The following STK10 variants were observed in gnomAD, a reference collection of about 807,000 sequenced individuals.
The protein encoded by STK10 is serine/threonine-protein kinase 10.
A neutral mutation model predicts 113.8 loss-of-function variants in STK10; 78 were observed. The ratio of observed to expected loss-of-function variants is 0.69; its 90% CI spans 0.57 to 0.83. STK10 has a LOEUF of 0.83. STK10 is among the 40% of genes least tolerant of loss of function. The pLI, the probability that STK10 is intolerant of heterozygous loss-of-function variation, is 0.00. For synonymous variants in STK10, 465 were observed against 494.7 expected (o/e 0.94, Z 0.80); for missense variants, 1,109 against 1,280.1 (o/e 0.87, Z 2.04).
chr5:172,103,358 C>T (rs1264462976), intron 7 of STK10, among the ~76,000 whole-genome samples: 1 of 152,262 alleles, frequency 6.6e-6, no homozygotes, highest in Admixed American at 6.5e-5. Context: ...TGTTCTGCAA[C>T]CCTTTCTGCT....
chr5:172,143,878 T>G (rs1438897747), intron 2 of STK10, among the ~76,000 whole-genome samples: 1 of 152,140 alleles, frequency 6.6e-6, no homozygotes, highest in Non-Finnish European at 1.5e-5. Context: ...ATGAAAAAAT[T>G]CAGTAGCCTT....
chr5:172,075,773 T>C (rs960147355), intron 12 of STK10, among the ~76,000 whole-genome samples: 11 of 152,198 alleles, frequency 7.2e-5, no homozygotes, highest in Non-Finnish European at 1.5e-4. Flanking sequence ...TAGTGAAATG[T>C]GAATTAGAAA....
intron 16 of STK10, 61 bp downstream of exon 16, chr5:172,055,527 G>C: frequency 7.5e-7 from 1 of 1,338,386 alleles, no homozygotes; most frequent in Non-Finnish European, 9.7e-7. Context: ...CCCAGGTCCC[G>C]CCAAACCTGG....
In STK10 at chr5:172,061,224, G is replaced by A. The variant is rs774455302; in HGVS notation, c.2127C>T (p.Ala709=). 6.2e-7 allele frequency: 1 copy of A among 1,613,296 alleles called. No homozygotes were observed. The highest frequency in any genetic ancestry group is 8.5e-7 in the Non-Finnish European group (1 of 1,179,910). ...VAKQKEDLEL[A]MKRLTTDNRR... is the part of the protein sequence containing the mutation. ...TGTTGTCGGTGGTGAGCCTCTTCAT[G>A]GCCAGCTCCAGGTCCTCCTTCTGCT... Residue 709 remains alanine (A), a synonymous_variant, in exon 14 of 19, where the codon GCC becomes GCT. Transcript: ENST00000176763.
chr5:172,121,877 T>C (rs1203455229), intron 3 of STK10, among the ~76,000 whole-genome samples: 1 of 151,736 alleles, frequency 6.6e-6, no homozygotes, highest in East Asian at 1.9e-4. Flanking sequence ...ATATACTTTT[T>C]TTTTTTTTTT....
chr5:172,143,135 G>A (rs988816479), intron 2 of STK10, among the ~76,000 whole-genome samples: 3 of 152,204 alleles, frequency 2.0e-5, no homozygotes, highest in African/African-American at 7.2e-5. Context: ...CCGAGTGCTA[G>A]GCGCAGTGGT....
intron 10 of STK10, among the ~76,000 whole-genome samples, chr5:172,089,878 T>C (rs1487384983): frequency 2.6e-5 from 4 of 151,528 alleles, no homozygotes; most frequent in African/African-American, 7.3e-5. Flanking sequence ...GATAGGTAGA[T>C]GAATGGGTGG....
intron 18 of STK10, among the ~76,000 whole-genome samples, chr5:172,045,808 G>GCCTC (rs1263103827): frequency 2.0e-5 from 3 of 152,076 alleles, no homozygotes; most frequent in South Asian, 4.2e-4. Context: ...TCCTGACTCA[G>GCCTC]CCTCCCCAGT....
intron 12 of STK10, among the ~76,000 whole-genome samples, chr5:172,068,107 A>G (rs1370818201): frequency 1.3e-5 from 2 of 152,092 alleles, no homozygotes; most frequent in Admixed American, 6.5e-5. Flanking sequence ...TGGGGAGGCT[A>G]AGGCGGGTGG....
chr5:172,070,417 G>A (rs1223788388), intron 12 of STK10, among the ~76,000 whole-genome samples: 1 of 151,684 alleles, frequency 6.6e-6, no homozygotes, highest in Admixed American at 6.6e-5. Context: ...AAGTTGCAAA[G>A]GAAATTAAAA....
At chr5:172,182,032 C>T (rs557413932) in intron 1 of STK10, among the ~76,000 whole-genome samples, 55 of 152,136 alleles carry the variant, frequency 3.6e-4, no homozygotes, top group Middle Eastern at 3.4e-3. Flanking sequence ...AAGGCCGGCT[C>T]GGTGGCTCAC....
chr5:172,067,394 TAAA>T (rs1768093419), intron 12 of STK10, among the ~76,000 whole-genome samples: 1 of 103,450 alleles, frequency 9.7e-6, no homozygotes, highest in Non-Finnish European at 2.1e-5. Context: ...AATAAATAAA[TAAA>T]TAAATAAATA....
At chr5:172,083,201 G>T (rs1175958003) in intron 10 of STK10, 117 bp from the exon 11 acceptor site, 4 of 1,329,014 alleles carry the variant, frequency 3.0e-6, no homozygotes, top group African/African-American at 1.5e-5. Flanking sequence ...CAAGTCTGGG[G>T]CACAGGCATG....
At chr5:172,137,655 C>T (rs957583592) in intron 2 of STK10, among the ~76,000 whole-genome samples, 343 of 148,486 alleles carry the variant, frequency 2.3e-3, no homozygotes, top group African/African-American at 8.0e-3. Flanking sequence ...CCGAGGCGGG[C>T]GGATCACAAG....
At chr5:172,140,326 C>T (rs35174227) in intron 2 of STK10, among the ~76,000 whole-genome samples, 30,432 of 152,162 alleles carry the variant, frequency 0.2, 3,135 homozygotes, top group Non-Finnish European at 0.24. Flanking sequence ...AAAGGGAGCA[C>T]TTGCACACTG....
chr5:172,064,865 T>G, intron 12 of STK10, 53 bp from the exon 13 acceptor site: 1 of 1,589,298 alleles, frequency 6.3e-7, no homozygotes, highest in African/African-American at 1.3e-5. Context: ...CCATGCTTCC[T>G]ACAGTATAAT....
chr5:172,060,770 G>A (rs1164224066), intron 14 of STK10, among the ~76,000 whole-genome samples: 2 of 152,206 alleles, frequency 1.3e-5, no homozygotes, highest in African/African-American at 4.8e-5. Context: ...ACAGTGTTAG[G>A]TGAGGATTTG....
At chr5:172,099,375 A>C (rs1335783281) in intron 7 of STK10, among the ~76,000 whole-genome samples, 2 of 152,146 alleles carry the variant, frequency 1.3e-5, no homozygotes, top group Non-Finnish European at 2.9e-5. Context: ...CCCTGTCTCT[A>C]CTAAAAATAA....
At chr5:172,089,898 T>C (rs1222244416) in intron 10 of STK10, among the ~76,000 whole-genome samples, 2 of 151,586 alleles carry the variant, frequency 1.3e-5, no homozygotes, top group African/African-American at 4.9e-5. Flanking sequence ...GACAGTTGGA[T>C]GGATGGATGG....
Sources: gnomAD v4.1 joint callset for allele counts (sites outside exome capture counted in the v4.1 genomes callset) on GRCh38, gnomAD v4.1.1 for gene constraint, MANE v1.5 for transcripts, NCBI Gene and HGNC (gene_info 2026-07-23, HGNC 2026-07-21) for gene names.